Variants in FAM227B observed in about 807,000 individuals in gnomAD.
FAM227B encodes family with sequence similarity 227 member B, also known as protein FAM227B.
A neutral mutation model predicts 73.8 loss-of-function variants in FAM227B; 88 were observed. The observed-to-expected ratio is 1.19, with a 90% CI of 1.00 to 1.42. FAM227B has a LOEUF of 1.42. FAM227B is among the 40% of genes most tolerant of loss of function. The pLI is 0.00. For missense variants in FAM227B, 632 were observed against 590.9 expected, an observed-to-expected ratio of 1.07 and a Z score of -0.72; for synonymous variants, 210 against 190.5, an observed-to-expected ratio of 1.10 and a Z score of -0.84.
chr15:49,464,789 C>T (rs6493371), intron 11 of FAM227B, among the ~76,000 whole-genome samples: 49,710 of 151,906 alleles, frequency 0.33, 8,893 homozygotes, highest in African/African-American at 0.46. Flanking sequence ...CAGTGTGGTG[C>T]ATCTACATCT....
chr15:49,546,179 A>G (rs1325664123), intron 9 of FAM227B, among the ~76,000 whole-genome samples: 10 of 151,964 alleles, frequency 6.6e-5, no homozygotes, highest in Admixed American at 2.6e-4. Flanking sequence ...TCATTGTTCA[A>G]TTCCCACCTA....
chr15:49,396,100 A>G (rs981073307), intron 11 of FAM227B: 1 of 418,950 alleles, frequency 2.4e-6, no homozygotes, highest in South Asian at 1.8e-5. Flanking sequence ...TCATCTCACT[A>G]GGGAGTGCCA....
intron 4 of FAM227B, among the ~76,000 whole-genome samples, chr15:49,589,236 T>A (rs2076377951): frequency 6.6e-6 from 1 of 152,126 alleles, no homozygotes; most frequent in African/African-American, 2.4e-5. Context: ...CTATCACCCC[T>A]TTTACTTTCA....
chr15:49,397,606 G>A (rs574583238), intron 11 of FAM227B, among the ~76,000 whole-genome samples: 120 of 152,176 alleles, frequency 7.9e-4, no homozygotes, highest in African/African-American at 2.4e-3. Context: ...GAGAAAGGTC[G>A]GGTCACCCTC....
chr15:49,575,714 C>T (rs1028489108), intron 7 of FAM227B, among the ~76,000 whole-genome samples: 1 of 151,952 alleles, frequency 6.6e-6, no homozygotes, highest in Non-Finnish European at 1.5e-5. Context: ...AAGATTCATG[C>T]CATTATTTCC....
At chr15:49,557,406 T>C (rs550927659) in intron 9 of FAM227B, among the ~76,000 whole-genome samples, 1 of 152,334 alleles carries the variant, frequency 6.6e-6, no homozygotes, top group Non-Finnish European at 1.5e-5. Flanking sequence ...TAAGATTTCA[T>C]AATTATTCAT....
At chr15:49,406,333 A>G (rs2151659311) in intron 11 of FAM227B, among the ~76,000 whole-genome samples, 1 of 152,256 alleles carries the variant, frequency 6.6e-6, no homozygotes. Flanking sequence ...ATGGGCATTC[A>G]TCACAGTGGC....
Position 49,328,192 on chromosome 15 carries a change from G to C in FAM227B, c.*376C>G. 6.3e-7 allele frequency: 1 copy of C among 1,583,728 alleles called. No individual in the cohort carries two copies. The highest frequency in any genetic ancestry group is 8.6e-7 in the Non-Finnish European group (1 of 1,162,902). On this transcript the variant is annotated 3_prime_UTR_variant, in exon 16 of 16. Coordinates refer to ENST00000299338, the MANE Select transcript of FAM227B (RefSeq NM_152647.3). ...TAAAAAGTCTGAGAGAAACTACTTA[G>C]GGCACTTAGGAATTGGCAGGACTTT...
intron 11 of FAM227B, among the ~76,000 whole-genome samples, chr15:49,436,270 T>C (rs1193320990): frequency 6.6e-6 from 1 of 151,580 alleles, no homozygotes; most frequent in East Asian, 1.9e-4. Flanking sequence ...TTTCTGAAAA[T>C]ATTTGAGTAG....
intron 3 of FAM227B, among the ~76,000 whole-genome samples, chr15:49,598,187 C>G (rs1467582455): frequency 6.6e-6 from 1 of 151,728 alleles, no homozygotes; most frequent in Non-Finnish European, 1.5e-5. Context: ...CATGCCAATA[C>G]CTCCTTCTTT....
intron 4 of FAM227B, 59 bp from the exon 5 acceptor site, chr15:49,588,142 T>C (rs1009563068): frequency 4.8e-6 from 5 of 1,037,994 alleles, no homozygotes; most frequent in Admixed American, 6.5e-5. Context: ...CCTCTAAAAA[T>C]AAACAAAATT....
chr15:49,441,095 A>C (rs2151836588), intron 11 of FAM227B, among the ~76,000 whole-genome samples: 1 of 151,876 alleles, frequency 6.6e-6, no homozygotes, highest in Non-Finnish European at 1.5e-5. Context: ...TAAATAAGAT[A>C]ATTTCCTGAA....
intron 11 of FAM227B, among the ~76,000 whole-genome samples, chr15:49,384,692 A>G (rs16962414): frequency 0.049 from 7,389 of 152,058 alleles, 314 homozygotes; most frequent in East Asian, 0.16. Context: ...CTGTGGCACA[A>G]AAATGCCTTA....
chr15:49,412,938 T>C (rs1161567008), intron 11 of FAM227B, among the ~76,000 whole-genome samples: 3 of 152,130 alleles, frequency 2.0e-5, no homozygotes, highest in African/African-American at 4.8e-5. Context: ...CCTTGGGTGA[T>C]AGCATTTCTC....
chr15:49,390,411 A>G (rs960911063), intron 11 of FAM227B, among the ~76,000 whole-genome samples: 3 of 151,660 alleles, frequency 2.0e-5, no homozygotes, highest in African/African-American at 7.3e-5. Context: ...GGGATCCACA[A>G]GAAAAAAATA....
intron 13 of FAM227B, among the ~76,000 whole-genome samples, chr15:49,343,044 T>C (rs980908899): frequency 7.2e-5 from 11 of 152,184 alleles, no homozygotes; most frequent in Admixed American, 7.2e-4. Context: ...TCTGAATTTC[T>C]TGAATCTGGT....
intron 10 of FAM227B, among the ~76,000 whole-genome samples, chr15:49,522,859 T>C (rs1159100364): frequency 6.6e-6 from 1 of 152,164 alleles, no homozygotes; most frequent in Non-Finnish European, 1.5e-5. Flanking sequence ...TTTGAAAACA[T>C]ATTTGAGGGA....
At chr15:49,549,368 G>C (rs1045054286) in intron 9 of FAM227B, among the ~76,000 whole-genome samples, 1 of 138,028 alleles carries the variant, frequency 7.2e-6, no homozygotes, top group East Asian at 2.1e-4. Flanking sequence ...GGTGTTTCTC[G>C]CAGAGGGGGA....
chr15:49,393,114 T>G (rs2047327738), intron 11 of FAM227B, among the ~76,000 whole-genome samples: 1 of 152,162 alleles, frequency 6.6e-6, no homozygotes, highest in Non-Finnish European at 1.5e-5. Flanking sequence ...CTTGAAATAA[T>G]GCAATCAAAG....
Sources: allele counts gnomAD v4.1 joint callset (sites outside exome capture counted in the v4.1 genomes callset), GRCh38; gene constraint gnomAD v4.1.1; transcripts MANE v1.5; gene names NCBI Gene and HGNC (gene_info 2026-07-23, HGNC 2026-07-21).